The following HS3ST3A1 variants were observed in gnomAD, a reference collection of about 807,000 sequenced individuals.
HS3ST3A1 encodes the protein heparan sulfate-glucosamine 3-sulfotransferase 3A1.
In HS3ST3A1, 19 loss-of-function variants were observed where a neutral mutation model predicts 25.7. The observed-to-expected ratio is 0.74, with a 90% CI of 0.52 to 1.08. The LOEUF (loss-of-function observed/expected upper bound fraction) is 1.08, where lower values mean the gene tolerates loss of function less well. Among genes scored for constraint, HS3ST3A1 ranks in the 50% least tolerant of loss-of-function variants. HS3ST3A1 has a pLI of 0.00. For synonymous variants in HS3ST3A1, 226 were observed against 278.6 expected (o/e 0.81, Z 1.88); for missense variants, 459 against 594.3 (o/e 0.77, Z 2.37).
intron 1 of HS3ST3A1, among the ~76,000 whole-genome samples, chr17:13,508,516 C>T (rs1448907239): frequency 1.3e-5 from 2 of 152,192 alleles, no homozygotes; most frequent in Admixed American, 6.5e-5. Context: ...CACATTTTCT[C>T]TTTCATTGAC....
At chr17:13,580,970 T>C (rs934654693) in intron 1 of HS3ST3A1, among the ~76,000 whole-genome samples, 5 of 152,186 alleles carry the variant, frequency 3.3e-5, no homozygotes, top group African/African-American at 1.2e-4. Flanking sequence ...TGCATGTGTG[T>C]GCTTGTGTAT....
intron 1 of HS3ST3A1, among the ~76,000 whole-genome samples, chr17:13,592,735 AG>A (rs1908461932): frequency 2.0e-5 from 3 of 152,030 alleles, no homozygotes; most frequent in Non-Finnish European, 4.4e-5. Context: ...CTATTTTTAC[AG>A]TTGTTAAAAA....
At chr17:13,540,560 G>T (rs138990282) in intron 1 of HS3ST3A1, among the ~76,000 whole-genome samples, 1 of 152,186 alleles carries the variant, frequency 6.6e-6, no homozygotes, top group Non-Finnish European at 1.5e-5. Context: ...TGCTCCTGCT[G>T]TGGAGAAAGA....
At chr17:13,566,367 A>G (rs559049052) in intron 1 of HS3ST3A1, among the ~76,000 whole-genome samples, 2 of 152,334 alleles carry the variant, frequency 1.3e-5, no homozygotes, top group South Asian at 4.1e-4. Context: ...TCCACAGACC[A>G]GCTATCCCCC....
chr17:13,522,512 T>C (rs1426879289), intron 1 of HS3ST3A1, among the ~76,000 whole-genome samples: 1 of 152,190 alleles, frequency 6.6e-6, no homozygotes, highest in Non-Finnish European at 1.5e-5. Context: ...CATGGGTCAT[T>C]CAGGAGATTA....
chr17:13,574,759 C>A (rs376621905), intron 1 of HS3ST3A1, among the ~76,000 whole-genome samples: 15,293 of 75,632 alleles, frequency 0.2, 905 homozygotes, highest in Admixed American at 0.24. Flanking sequence ...CACACACACA[C>A]AAAAAACACA....
chr17:13,549,679 C>G (rs1004364906), intron 1 of HS3ST3A1, among the ~76,000 whole-genome samples: 7 of 152,306 alleles, frequency 4.6e-5, no homozygotes, highest in African/African-American at 1.7e-4. Context: ...TGGACATCAC[C>G]TAGCCAAGCC....
At chr17:13,513,006 T>G (rs1478229340) in intron 1 of HS3ST3A1, among the ~76,000 whole-genome samples, 1 of 152,228 alleles carries the variant, frequency 6.6e-6, no homozygotes, top group Non-Finnish European at 1.5e-5. Context: ...ATGTATTTCA[T>G]GTAACAGTTT....
At chr17:13,512,429 G>A (rs1167285152) in intron 1 of HS3ST3A1, among the ~76,000 whole-genome samples, 1 of 152,152 alleles carries the variant, frequency 6.6e-6, no homozygotes, top group African/African-American at 2.4e-5. Context: ...GGGAATAGGA[G>A]TGAGTGCTTA....
chr17:13,551,209 C>T (rs1455214223), intron 1 of HS3ST3A1, among the ~76,000 whole-genome samples: 1 of 150,916 alleles, frequency 6.6e-6, no homozygotes, highest in Non-Finnish European at 1.5e-5. Context: ...ATTAGGTGGG[C>T]GTGGTTGTGT....
At position 13,496,923 on chromosome 17, in the gene HS3ST3A1, A is replaced by C. The variant is rs915953301; in HGVS notation, c.600-105T>G. 4.8e-6 allele frequency: 7 copies of C among 1,468,004 alleles called. No individual in the cohort carries two copies. In the Admixed American group the frequency reaches 9.2e-5, roughly 19 times the overall value. The allele number at this position is 1,468,004 out of a possible 1,614,324, so 90.9% of individuals were successfully genotyped here. On this transcript the variant is annotated intron_variant, in intron 1 of 1. Transcript: ENST00000284110. ...CCAGGCCGCAATTCCAGCCCCCGCAACCCCCCACTTGCTAGACATCTGATG... is the reference window on the plus strand; with the variant it reads ...CCAGGCCGCAATTCCAGCCCCCGCACCCCCCCACTTGCTAGACATCTGATG...
At chr17:13,590,619 G>T (rs560608538) in intron 1 of HS3ST3A1, among the ~76,000 whole-genome samples, 6 of 152,152 alleles carry the variant, frequency 3.9e-5, no homozygotes, top group Non-Finnish European at 8.8e-5. Context: ...ACTAAAGGAA[G>T]TTCAGATCAA....
At chr17:13,556,850 T>TA (rs71144974) in intron 1 of HS3ST3A1, among the ~76,000 whole-genome samples, 44,453 of 124,548 alleles carry the variant, frequency 0.36, 8,255 homozygotes, top group African/African-American at 0.55. Context: ...AAACTCCGCC[T>TA]AAAAAAAAAA....
chr17:13,507,161 G>C (rs1460192819), intron 1 of HS3ST3A1, among the ~76,000 whole-genome samples: 1 of 151,896 alleles, frequency 6.6e-6, no homozygotes, highest in South Asian at 2.1e-4. Flanking sequence ...ATAGATCCAG[G>C]GCAGCCAGAA....
chr17:13,555,749 A>G (rs1407194439), intron 1 of HS3ST3A1, among the ~76,000 whole-genome samples: 1 of 152,228 alleles, frequency 6.6e-6, no homozygotes, highest in African/African-American at 2.4e-5. Context: ...CAATCATTTA[A>G]CTACTTGAGA....
chr17:13,499,134 A>G (rs1189453080), intron 1 of HS3ST3A1, among the ~76,000 whole-genome samples: 7 of 152,208 alleles, frequency 4.6e-5, no homozygotes, highest in Non-Finnish European at 8.8e-5. Flanking sequence ...GGGTAAGAGT[A>G]CGTGAACACC....
chr17:13,546,746 C>T lies in HS3ST3A1; in HGVS notation c.600-49928G>A, dbSNP rs76068365. Reference sequence around the variant, plus strand: ...CTGAAGTTGGACAAGATCATCATTTCTCAAACTGTGTCCTCTAGAACACCA... The same window carrying T: ...CTGAAGTTGGACAAGATCATCATTTTTCAAACTGTGTCCTCTAGAACACCA... On this transcript the variant is annotated intron_variant, in intron 1 of 1. Coordinates refer to ENST00000284110, the MANE Select transcript of HS3ST3A1 (RefSeq NM_006042.3). Among the ~76,000 whole-genome samples the T allele has an allele frequency of 6.6e-5, 10 of 152,350 alleles. No individual in the cohort carries two copies. In the East Asian group the frequency reaches 1.9e-3, roughly 29 times the overall value.
chr17:13,577,966 T>G (rs182978708), intron 1 of HS3ST3A1, among the ~76,000 whole-genome samples: 1,949 of 152,230 alleles, frequency 0.013, 18 homozygotes, highest in South Asian at 0.034. Context: ...AGACAGTATT[T>G]GATACAACTT....
intron 1 of HS3ST3A1, among the ~76,000 whole-genome samples, chr17:13,519,531 G>A (rs1247690902): frequency 1.3e-5 from 2 of 152,046 alleles, no homozygotes; most frequent in African/African-American, 4.8e-5. Flanking sequence ...AGCTGAAAGT[G>A]CTTAGAATAG....
Sources: gnomAD v4.1 joint callset for allele counts (sites outside exome capture counted in the v4.1 genomes callset) on GRCh38, gnomAD v4.1.1 for gene constraint, MANE v1.5 for transcripts, NCBI Gene and HGNC (gene_info 2026-07-23, HGNC 2026-07-21) for gene names.